Variants in MSMB observed in about 807,000 individuals in gnomAD.
The protein encoded by MSMB is microseminoprotein beta.
In MSMB, 10 loss-of-function variants were observed where a neutral mutation model predicts 10.5. The observed-to-expected ratio is 0.95, with a 90% CI of 0.59 to 1.62. MSMB has a LOEUF of 1.62. Among genes scored for constraint, MSMB ranks in the 40% most tolerant of loss-of-function variants. MSMB has a pLI of 0.00. For missense variants in MSMB, 126 were observed against 137.4 expected, an observed-to-expected ratio of 0.92 and a Z score of 0.42; for synonymous variants, 43 against 46.5, an observed-to-expected ratio of 0.93 and a Z score of 0.30.
At position 46,033,491 on chromosome 10, in the gene MSMB, GTCC is replaced by G. The variant is rs1840509640; in HGVS notation, c.273_275del (p.Glu91del). 2 of 1,613,948 alleles carry G rather than the reference GTCC, an allele frequency of 1.2e-6. No individual in the cohort carries two copies. Among genetic ancestry groups the G allele is most frequent in the East Asian group, 4.5e-5 (2 of 44,878 alleles). ...TCTTCTCCACCACGATATACTTGCA[GTCC>G]TCCTTCTTGAAGATTCTTTGGCAGT... On this transcript the variant is annotated inframe_deletion, in exon 4 of 4. Coordinates refer to ENST00000582163, the MANE Select transcript of MSMB (RefSeq NM_002443.4).
intron 1 of MSMB, among the ~76,000 whole-genome samples, chr10:46,045,320 C>T (rs1042462351): frequency 2.0e-4 from 30 of 152,010 alleles, no homozygotes; most frequent in Non-Finnish European, 4.0e-4. Context: ...TTGCATGAGC[C>T]CAGGAGTTCA....
intron 1 of MSMB, among the ~76,000 whole-genome samples, chr10:46,044,451 C>CT (rs113846360): frequency 0.15 from 22,625 of 151,126 alleles, 1,689 homozygotes; most frequent in African/African-American, 0.16. Flanking sequence ...TGGCGGGCGC[C>CT]TGTAGTCCCA....
intron 1 of MSMB, among the ~76,000 whole-genome samples, chr10:46,043,364 C>A (rs782099811): frequency 6.6e-6 from 1 of 152,144 alleles, no homozygotes; most frequent in Non-Finnish European, 1.5e-5. Context: ...AGATTATCCA[C>A]TTGACAGTAT....
intron 1 of MSMB, among the ~76,000 whole-genome samples, chr10:46,043,896 AAT>A (rs1312521804): frequency 6.7e-6 from 1 of 149,368 alleles, no homozygotes; most frequent in African/African-American, 2.5e-5. Flanking sequence ...GCTGGTCTCA[AAT>A]ACCTGACCTC....
rs782092618 is a variant in MSMB at position 46,033,493 on chromosome 10, C to T, written c.274G>A (p.Asp92Asn). 32 of 1,613,976 alleles carry T rather than the reference C, an allele frequency of 2.0e-5. No homozygotes were observed. The East Asian group carries it at 7.1e-4, about 36-fold the overall frequency. The change falls in exon 4 of 4, where the codon GAC becomes AAC. Residue 92 changes from aspartate (D) to asparagine (N), a missense_variant. Physicochemically the swap from Asp to Asn is conservative, Grantham distance 23. Coordinates refer to ENST00000582163, the MANE Select transcript of MSMB (RefSeq NM_002443.4). ...DNCQRIFKKE[D>N]CKYIVVEKKD... The stretch of plus-strand genomic sequence containing the variant: ...TTCTCCACCACGATATACTTGCAGT[C>T]CTCCTTCTTGAAGATTCTTTGGCAG...
intron 3 of MSMB, 34 bp from the exon 4 acceptor site, chr10:46,033,585 G>C (rs1392540539): frequency 6.2e-7 from 1 of 1,609,822 alleles, no homozygotes; most frequent in Admixed American, 1.7e-5. Flanking sequence ...CCTGTTAGAA[G>C]AGAAAGGACC....
In MSMB at chr10:46,046,247, C is replaced by T. The variant is rs782433933; in HGVS notation, c.-10G>A. 18 of 1,612,190 alleles carry T rather than the reference C, an allele frequency of 1.1e-5. No homozygotes were observed. The Middle Eastern group carries it at 1.2e-3, about 103-fold the overall frequency. On this transcript the variant is annotated 5_prime_UTR_variant, in exon 1 of 4. Coordinates refer to ENST00000582163, the MANE Select transcript of MSMB (RefSeq NM_002443.4). ...ACCAGTTACCTACCATTGTGATAAG[C>T]AGGACTCCTTATAGACAGGTACATC...
At chr10:46,034,649 C>T (rs922479802) in intron 3 of MSMB, among the ~76,000 whole-genome samples, 8 of 151,514 alleles carry the variant, frequency 5.3e-5, no homozygotes, top group African/African-American at 1.9e-4. Context: ...ACCGGTGAAA[C>T]CCCGTCTCCA....
At chr10:46,038,584 G>A (rs567456764) in intron 3 of MSMB, among the ~76,000 whole-genome samples, 63 of 152,156 alleles carry the variant, frequency 4.1e-4, no homozygotes, top group Non-Finnish European at 7.1e-4. Context: ...CATTGTGACT[G>A]GCCCACAATT....
rs56061175 is a variant in MSMB, at chr10:46,044,575, G to GAAAAAAAAAAAAAA, written c.3+1646_3+1659dup. On this transcript the variant is annotated intron_variant, in intron 1 of 3. Coordinates refer to ENST00000582163, the MANE Select transcript of MSMB (RefSeq NM_002443.4). ...TGGGCGACAGAGAGACTCCGTCTCA[G>GAAAAAAAAAAAAAA]AAAAAAAAAAAAAAAAAAAAAAAAA... is the stretch of plus-strand genomic sequence containing the variant. Among the ~76,000 whole-genome samples the GAAAAAAAAAAAAAA allele has an allele frequency of 1.8e-4, 7 of 38,526 alleles. 1 individual carries two copies. The highest frequency in any genetic ancestry group is 2.8e-4 in the African/African-American group (4 of 14,242). The allele number at this position is 38,526 out of a possible 152,430, so 25.3% of individuals were successfully genotyped here.
intron 1 of MSMB, among the ~76,000 whole-genome samples, chr10:46,041,171 C>T (rs1200535924): frequency 1.3e-5 from 2 of 151,928 alleles, no homozygotes; most frequent in African/African-American, 4.8e-5. Context: ...TGATGAAACC[C>T]ATTCTCTACT....
Position 46,033,540 on chromosome 10 carries a change from G to A in MSMB, c.227C>T (p.Pro76Leu). 4 of 1,613,554 alleles carry A rather than the reference G, an allele frequency of 2.5e-6. No homozygotes were observed. The highest frequency in any genetic ancestry group is 3.4e-6 in the Non-Finnish European group (4 of 1,179,564). ...EISCCTLVST[P>L]VGYDKDNCQR... is the part of the protein sequence containing the mutation. Reference sequence around the variant, plus strand: ...GCAGTTGTCTTTGTCATAACCCACAGGTGTAGAAACACTGTCATTGAGACA... The same window carrying A: ...GCAGTTGTCTTTGTCATAACCCACAAGTGTAGAAACACTGTCATTGAGACA... The change falls in exon 4 of 4, where the codon CCT (proline) becomes CTT (leucine). Residue 76 changes from proline (P) to leucine (L), a missense_variant. Pro to Leu is a moderately conservative substitution (Grantham distance 98, BLOSUM62 -3). Transcript: ENST00000582163.
intron 1 of MSMB, among the ~76,000 whole-genome samples, chr10:46,041,128 G>A (rs1012917022): frequency 6.6e-6 from 1 of 152,116 alleles, no homozygotes; most frequent in East Asian, 1.9e-4. Flanking sequence ...TGGATTGCCT[G>A]AACTCAGGCA....
At chr10:46,042,584 CACAGAG>C (rs1326547141) in intron 1 of MSMB, among the ~76,000 whole-genome samples, 6 of 152,152 alleles carry the variant, frequency 3.9e-5, no homozygotes, top group African/African-American at 9.7e-5. Flanking sequence ...CTAAAAATGG[CACAGAG>C]ACAGAGACAG....
intron 3 of MSMB, among the ~76,000 whole-genome samples, chr10:46,036,197 C>T (rs1554927512): frequency 6.6e-6 from 1 of 152,160 alleles, no homozygotes; most frequent in Admixed American, 6.5e-5. Flanking sequence ...TCTGCCTGGG[C>T]CCCCAGCCTC....
intron 3 of MSMB, among the ~76,000 whole-genome samples, chr10:46,035,131 A>C (rs1160414595): frequency 6.6e-6 from 1 of 152,224 alleles, no homozygotes; most frequent in Non-Finnish European, 1.5e-5. Context: ...GGGAAATATC[A>C]TTTAAAACCT....
chr10:46,038,489 C>T (rs1382342498), intron 3 of MSMB, among the ~76,000 whole-genome samples: 3 of 152,016 alleles, frequency 2.0e-5, no homozygotes, highest in African/African-American at 7.2e-5. Flanking sequence ...CGGGGTTTCA[C>T]GTGTTAGCTA....
intron 1 of MSMB, among the ~76,000 whole-genome samples, chr10:46,044,150 T>C (rs184133541): frequency 1.3e-5 from 2 of 152,304 alleles, no homozygotes; most frequent in African/African-American, 4.8e-5. Context: ...CCTTTGTGTC[T>C]TCCTTTCCTG....
intron 1 of MSMB, among the ~76,000 whole-genome samples, chr10:46,045,797 G>T (rs534311431): frequency 6.6e-6 from 1 of 152,116 alleles, no homozygotes; most frequent in Admixed American, 6.5e-5. Context: ...AGGGAGAGAG[G>T]AATGCCTGGG....
Sources: gnomAD v4.1 joint callset for allele counts (sites outside exome capture counted in the v4.1 genomes callset) on GRCh38, gnomAD v4.1.1 for gene constraint, MANE v1.5 for transcripts, NCBI Gene and HGNC (gene_info 2026-07-23, HGNC 2026-07-21) for gene names.